RELCH: variants seen among roughly 807,000 people sequenced by gnomAD.
RELCH encodes RAB11 binding and LisH domain, coiled-coil and HEAT repeat containing, also known as RAB11-binding protein RELCH.
A neutral mutation model predicts 150.3 loss-of-function variants in RELCH; 41 were observed. The observed-to-expected ratio is 0.27, with a 90% CI of 0.21 to 0.35. The LOEUF is 0.35. RELCH is among the 10% of genes least tolerant of loss of function. The pLI is 1.00. For synonymous variants in RELCH, 478 were observed against 531.8 expected (o/e 0.90, Z 1.39); for missense variants, 1,092 against 1,467.8 (o/e 0.74, Z 4.18).
At chr18:62,266,676 T>C in intron 18 of RELCH, 25 bp from the exon 19 acceptor site, 1 of 1,559,898 alleles carries the variant, frequency 6.4e-7, no homozygotes, top group East Asian at 2.3e-5. Flanking sequence ...TGAGACTTTT[T>C]GAATCTTCTC....
chr18:62,237,735 A>G (rs1360960476), intron 10 of RELCH, among the ~76,000 whole-genome samples: 1 of 151,822 alleles, frequency 6.6e-6, no homozygotes, highest in Non-Finnish European at 1.5e-5. Context: ...GGAAAAATAA[A>G]GAAAAAAATC....
intron 26 of RELCH, among the ~76,000 whole-genome samples, chr18:62,287,972 G>A (rs77036427): frequency 0.045 from 6,810 of 152,184 alleles, 187 homozygotes; most frequent in South Asian, 0.072. Context: ...AAAACTTAGA[G>A]ATCATGTAGG....
chr18:62,194,238 C>G (rs950441937), intron 1 of RELCH, among the ~76,000 whole-genome samples: 1 of 152,076 alleles, frequency 6.6e-6, no homozygotes, highest in Non-Finnish European at 1.5e-5. Context: ...GAACGAGACC[C>G]TGTCTCAAAA....
intron 19 of RELCH, among the ~76,000 whole-genome samples, chr18:62,267,586 G>T (rs576226177): frequency 2.0e-4 from 30 of 150,328 alleles, no homozygotes; most frequent in Middle Eastern, 3.4e-3. Context: ...ACCATTTTTG[G>T]CAGTCCTCAG....
At chr18:62,246,350 T>C (rs2042412914) in intron 11 of RELCH, 1 of 152,210 alleles carries the variant, frequency 6.6e-6, no homozygotes, top group Admixed American at 6.5e-5. Context: ...TACTTTTTAA[T>C]GTTTACCTTA....
In RELCH at chr18:62,307,026, T is replaced by C. The variant is rs1031417602; in HGVS notation, c.*1492T>C. The C allele has an allele frequency of 1.4e-4, 22 of 152,588 alleles. No individual in the cohort carries two copies. Among genetic ancestry groups the C allele is most frequent in the Admixed American group, 2.6e-4 (4 of 15,284 alleles). The allele number at this position is 152,588 out of a possible 1,614,324, so 9.5% of individuals were successfully genotyped here. On this transcript the variant is annotated 3_prime_UTR_variant, in exon 29 of 29. Transcript: ENST00000644646. ...AACTAAGTAGTCTTTCTGAAAACTG[T>C]TGGGTTCTAGGCATTCCTGAGAAAT...
chr18:62,254,502 A>G (rs929722868), intron 12 of RELCH, among the ~76,000 whole-genome samples: 1 of 67,966 alleles, frequency 1.5e-5, no homozygotes, highest in Non-Finnish European at 3.2e-5. Context: ...CCATACGTTG[A>G]CATTCAAACA....
Position 62,305,659 on chromosome 18 carries a change from C to CGCCTGTAATCCCAG in RELCH, c.*125_*126insGCCTGTAATCCCAG. On this transcript the variant is annotated 3_prime_UTR_variant, in exon 29 of 29. Coordinates refer to ENST00000644646, the MANE Select transcript of RELCH (RefSeq NM_001346231.2). The surrounding 1 kb of genome is among the most constrained non-coding windows in gnomAD (Gnocchi z 4.0). ...TTCTTGCATTATAATTTTATCCTAA[C>CGCCTGTAATCCCAG]CTCCAAAGATATTTGCACTGCTTTT... The CGCCTGTAATCCCAG allele has an allele frequency of 1.0e-6, 1 of 1,001,262 alleles. No individual in the cohort carries two copies. The highest frequency in any genetic ancestry group is 2.7e-5 in the East Asian group (1 of 37,034). The allele number at this position is 1,001,262 out of a possible 1,614,324, so 62.0% of individuals were successfully genotyped here.
intron 23 of RELCH, 112 bp downstream of exon 23, chr18:62,279,968 G>T: frequency 4.5e-6 from 3 of 668,162 alleles, no homozygotes; most frequent in Non-Finnish European, 7.6e-6. Flanking sequence ...TAATAATACT[G>T]GATTATGCTT....
At chr18:62,243,712 T>C (rs1383520763) in intron 10 of RELCH, among the ~76,000 whole-genome samples, 1 of 152,078 alleles carries the variant, frequency 6.6e-6, no homozygotes, top group Non-Finnish European at 1.5e-5. Context: ...GTGTAGACTT[T>C]TTATCATGCT....
chr18:62,217,974 G>A (rs949845240), intron 2 of RELCH, among the ~76,000 whole-genome samples: 3 of 151,946 alleles, frequency 2.0e-5, no homozygotes, highest in Admixed American at 6.6e-5. Flanking sequence ...ATGCCTAACA[G>A]TACTAAGTTT....
rs1390714310 is a variant in RELCH, at chr18:62,308,771, T to C, written c.*3237T>C. 6.6e-6 allele frequency: 1 copy of C among 152,040 alleles called. No homozygotes were observed. Among genetic ancestry groups the C allele is most frequent in the East Asian group, 1.9e-4 (1 of 5,174 alleles). The allele number at this position is 152,040 out of a possible 1,614,324, so 9.4% of individuals were successfully genotyped here. ...CAATTCTAATTCATAATTCATGAAA[T>C]ACTCCAGATTAGCCAGGTAACAAAA... is the stretch of plus-strand genomic sequence containing the variant. On this transcript the variant is annotated 3_prime_UTR_variant, in exon 29 of 29. Transcript: ENST00000644646.
intron 11 of RELCH, chr18:62,247,039 A>C (rs1262353074): frequency 6.6e-6 from 1 of 152,162 alleles, no homozygotes; most frequent in Admixed American, 6.5e-5. Context: ...AAAAGGAGAA[A>C]AGCACACCTG....
At chr18:62,250,891 T>C (rs72949212) in intron 11 of RELCH, among the ~76,000 whole-genome samples, 24,766 of 152,250 alleles carry the variant, frequency 0.16, 2,700 homozygotes, top group Middle Eastern at 0.29. Context: ...CATTCTATTT[T>C]GGTTTTCCTT....
rs943941085 is a variant in RELCH, at chr18:62,190,837, A to C, written c.526+2806A>C. On this transcript the variant is annotated intron_variant, in intron 1 of 28. Coordinates refer to ENST00000644646, the MANE Select transcript of RELCH (RefSeq NM_001346231.2). ...AGATGCCTTTAGCAACCACCCCCAT[A>C]CCTATGCCACCCCAGTTATGACCAC... Among the ~76,000 whole-genome samples the C allele has an allele frequency of 5.9e-5, 9 of 152,062 alleles. No individual in the cohort carries two copies. The South Asian group carries it at 6.2e-4, about 11-fold the overall frequency.
chr18:62,292,586 C>T (rs1377792025), intron 27 of RELCH, among the ~76,000 whole-genome samples: 1 of 152,214 alleles, frequency 6.6e-6, no homozygotes, highest in African/African-American at 2.4e-5. Flanking sequence ...TCACTGCCAT[C>T]TGTCTATTCC....
At chr18:62,204,934 C>T (rs370654917) in intron 1 of RELCH, among the ~76,000 whole-genome samples, 11 of 152,246 alleles carry the variant, frequency 7.2e-5, no homozygotes, top group South Asian at 2.1e-4. Flanking sequence ...TCAGTGTTAG[C>T]TCATTTTACC....
Position 62,272,601 on chromosome 18 carries a change from A to C in RELCH, c.2761-1379A>C, listed in dbSNP as rs114031905. On this transcript the variant is annotated intron_variant, in intron 20 of 28. Transcript: ENST00000644646. The stretch of plus-strand genomic sequence containing the variant: ...CAGTGTTTCTTATTTTAGGAAGCAC[A>C]TACCAGCAGTTAATGTTTATCTCAC... Among the ~76,000 whole-genome samples, 149 of 152,272 alleles carry C rather than the reference A, an allele frequency of 9.8e-4. 1 individual carries two copies. The highest frequency in any genetic ancestry group is 3.5e-3 in the African/African-American group (145 of 41,574).
chr18:62,246,870 T>C (rs771388123), intron 11 of RELCH: 5 of 152,224 alleles, frequency 3.3e-5, no homozygotes, highest in Non-Finnish European at 7.3e-5. Flanking sequence ...TATGTGGTTT[T>C]ATCACAAACA....
Sources: gnomAD v4.1 joint callset for allele counts (sites outside exome capture counted in the v4.1 genomes callset) on GRCh38, gnomAD v4.1.1 for gene constraint, Gnocchi (gnomAD v3.1) non-coding constraint, MANE v1.5 for transcripts, NCBI Gene and HGNC (gene_info 2026-07-23, HGNC 2026-07-21) for gene names.